MEI4: variants seen among roughly 807,000 people sequenced by gnomAD.
The protein encoded by MEI4 is meiotic double-stranded break formation protein 4.
A neutral mutation model predicts 31.4 loss-of-function variants in MEI4; 27 were observed. That is an observed-to-expected ratio of 0.86 (90% CI 0.63 to 1.19). The LOEUF (loss-of-function observed/expected upper bound fraction) is 1.19, where lower values mean the gene tolerates loss of function less well. Among genes scored for constraint, MEI4 ranks in the 50% most tolerant of loss-of-function variants. MEI4 has a pLI of 0.00. For missense variants in MEI4, 329 were observed against 398.9 expected (o/e 0.82, Z 1.49); for synonymous variants, 122 against 145.4 (o/e 0.84, Z 1.16).
chr6:77,656,203 T>C (rs983582336), intron 1 of MEI4, among the ~76,000 whole-genome samples: 1 of 152,152 alleles, frequency 6.6e-6, no homozygotes, highest in Non-Finnish European at 1.5e-5. Context: ...GGAAGTAATT[T>C]TGATTGTTGG....
intron 3 of MEI4, among the ~76,000 whole-genome samples, chr6:77,770,018 G>A (rs886940192): frequency 6.6e-6 from 1 of 151,730 alleles, no homozygotes; most frequent in African/African-American, 2.4e-5. Flanking sequence ...TACCAGCTTG[G>A]CCGCAGTGGG....
chr6:77,909,652 T>C (rs917908456), intron 4 of MEI4, among the ~76,000 whole-genome samples: 9 of 152,082 alleles, frequency 5.9e-5, no homozygotes, highest in African/African-American at 2.4e-5. Context: ...GGTACCATTC[T>C]TTCTGAAACT....
At chr6:77,864,043 C>A (rs1770947546) in intron 4 of MEI4, among the ~76,000 whole-genome samples, 1 of 152,142 alleles carries the variant, frequency 6.6e-6, no homozygotes, top group Non-Finnish European at 1.5e-5. Flanking sequence ...GAGATTTTGT[C>A]ACCACCAGGC....
At chr6:77,663,594 C>T (rs1192621482) in intron 1 of MEI4, among the ~76,000 whole-genome samples, 1 of 152,084 alleles carries the variant, frequency 6.6e-6, no homozygotes, top group Non-Finnish European at 1.5e-5. Context: ...TCTAAGTTGG[C>T]ACCAGAGTTG....
intron 4 of MEI4, among the ~76,000 whole-genome samples, chr6:77,854,399 C>G (rs1250343990): frequency 5.5e-5 from 8 of 146,178 alleles, no homozygotes; most frequent in African/African-American, 2.0e-4. Flanking sequence ...TTAATGTCAA[C>G]AGTAATTATA....
chr6:77,918,558 G>C (rs2127741590), intron 4 of MEI4, among the ~76,000 whole-genome samples: 1 of 148,430 alleles, frequency 6.7e-6, no homozygotes. Context: ...CTCATGATTT[G>C]GCTCTCTGTT....
chr6:77,661,714 C>T (rs919173124), intron 1 of MEI4, among the ~76,000 whole-genome samples: 12 of 151,850 alleles, frequency 7.9e-5, no homozygotes, highest in Non-Finnish European at 1.2e-4. Flanking sequence ...TTTGAAATGA[C>T]GACAGAATAG....
At chr6:77,663,297 T>C (rs1181424503) in intron 1 of MEI4, among the ~76,000 whole-genome samples, 1 of 152,152 alleles carries the variant, frequency 6.6e-6, no homozygotes, top group African/African-American at 2.4e-5. Context: ...TGGGATGGGA[T>C]ATTGGCATTG....
chr6:77,759,370 C>T (rs1375860989), intron 2 of MEI4, among the ~76,000 whole-genome samples: 2 of 151,554 alleles, frequency 1.3e-5, no homozygotes, highest in Non-Finnish European at 2.9e-5. Flanking sequence ...ATAGTTTCTG[C>T]TATCTACACA....
chr6:77,678,430 T>C (rs1033210294), intron 1 of MEI4, among the ~76,000 whole-genome samples: 10 of 152,204 alleles, frequency 6.6e-5, no homozygotes, highest in Admixed American at 5.9e-4. Flanking sequence ...TTGAAATGTT[T>C]GGTATACAGT....
At chr6:77,752,623 A>G (rs1438311742) in intron 2 of MEI4, among the ~76,000 whole-genome samples, 3 of 152,192 alleles carry the variant, frequency 2.0e-5, no homozygotes, top group African/African-American at 7.2e-5. Context: ...ACAAACAAAT[A>G]GAAAAACTTT....
At position 77,659,266 on chromosome 6, in the gene MEI4, T is replaced by C. The variant is rs534830983; in HGVS notation, c.-15+6174T>C. Among the ~76,000 whole-genome samples, 88 of 152,208 alleles carry C rather than the reference T, an allele frequency of 5.8e-4. No individual in the cohort carries two copies. In the East Asian group the frequency reaches 0.015, roughly 26 times the overall value. Reference sequence around the variant, plus strand: ...GGGAACAGGGAGCTCTTCGGTCCCATTTGCAAATTGAATTTTGGGGGTAAG... The same window carrying C: ...GGGAACAGGGAGCTCTTCGGTCCCACTTGCAAATTGAATTTTGGGGGTAAG... On this transcript the variant is annotated intron_variant, in intron 1 of 4. Transcript: ENST00000684080.
intron 4 of MEI4, among the ~76,000 whole-genome samples, chr6:77,844,982 GT>G (rs59465717): frequency 1.0e-3 from 158 of 152,138 alleles, no homozygotes; most frequent in African/African-American, 3.7e-3. Context: ...CTTCAGAGAC[GT>G]TTTTTCACTT....
At chr6:77,678,748 T>C (rs938599728) in intron 1 of MEI4, among the ~76,000 whole-genome samples, 6 of 151,886 alleles carry the variant, frequency 4.0e-5, no homozygotes, top group East Asian at 1.9e-4. Flanking sequence ...TGCAAAAGAG[T>C]CTCAGGTGGG....
intron 2 of MEI4, among the ~76,000 whole-genome samples, chr6:77,734,830 G>T (rs185284468): frequency 1.0e-3 from 153 of 151,800 alleles, no homozygotes; most frequent in African/African-American, 3.2e-3. Context: ...GGCAGGCCTG[G>T]TTGTGACAAA....
intron 2 of MEI4, among the ~76,000 whole-genome samples, chr6:77,748,160 T>C (rs1339360709): frequency 6.6e-6 from 1 of 152,206 alleles, no homozygotes; most frequent in African/African-American, 2.4e-5. Flanking sequence ...AGTAGCCCTC[T>C]TCTCTCAGCT....
intron 4 of MEI4, among the ~76,000 whole-genome samples, chr6:77,904,376 C>T (rs925054751): frequency 5.3e-5 from 8 of 151,942 alleles, no homozygotes; most frequent in South Asian, 2.1e-4. Flanking sequence ...TTGGGTGTCA[C>T]GGGGATTTGG....
intron 4 of MEI4, among the ~76,000 whole-genome samples, chr6:77,909,613 A>G (rs9448248): frequency 0.83 from 125,605 of 152,078 alleles, 52,395 homozygotes; most frequent in East Asian, 0.95. Context: ...ATTCACAGCC[A>G]AATTCTACCA....
chr6:77,776,104 G>C (rs1022328305), intron 3 of MEI4, among the ~76,000 whole-genome samples: 2 of 151,268 alleles, frequency 1.3e-5, no homozygotes, highest in Admixed American at 6.6e-5. Context: ...TGGATGTATA[G>C]ATTGCAAGGA....
Sources: allele counts gnomAD v4.1 joint callset (sites outside exome capture counted in the v4.1 genomes callset), GRCh38; gene constraint gnomAD v4.1.1; transcripts MANE v1.5; gene names NCBI Gene and HGNC (gene_info 2026-07-23, HGNC 2026-07-21).